The following RARB variants were observed in gnomAD, a reference collection of about 807,000 sequenced individuals.
RARB encodes HBV-activated protein.
A neutral mutation model predicts 51.9 loss-of-function variants in RARB; 17 were observed. The observed-to-expected ratio is 0.33, with a 90% CI of 0.22 to 0.49. RARB has a LOEUF of 0.49. Among genes scored for constraint, RARB ranks in the 20% least tolerant of loss-of-function variants. The pLI, the probability that RARB is intolerant of heterozygous loss-of-function variation, is 0.99. For missense variants in RARB, 369 were observed against 550.8 expected (o/e 0.67, Z 3.30); for synonymous variants, 215 against 195.4 (o/e 1.10, Z -0.84).
intron 3 of RARB, among the ~76,000 whole-genome samples, chr3:25,564,900 G>A (rs1700427954): frequency 6.6e-6 from 1 of 152,098 alleles, no homozygotes; most frequent in South Asian, 2.1e-4. Context: ...TGAAAGAAGA[G>A]GTCCACCATC....
intron 5 of RARB, among the ~76,000 whole-genome samples, chr3:25,379,514 G>T (rs1706563687): frequency 6.6e-6 from 1 of 152,108 alleles, no homozygotes; most frequent in African/African-American, 2.4e-5. Flanking sequence ...GAAGATTTAA[G>T]GATAAAATGG....
chr3:25,313,755 G>A (rs1235769110), intron 5 of RARB, among the ~76,000 whole-genome samples: 1 of 152,098 alleles, frequency 6.6e-6, no homozygotes, highest in Non-Finnish European at 1.5e-5. Context: ...TGTACAAAAG[G>A]AAGTATTTAT....
At chr3:25,469,216 G>A (rs915963893) in intron 2 of RARB, among the ~76,000 whole-genome samples, 1 of 152,200 alleles carries the variant, frequency 6.6e-6, no homozygotes, top group Non-Finnish European at 1.5e-5. Flanking sequence ...GTCACAAAAA[G>A]TTTTGCAATC....
At chr3:25,449,129 CT>C (rs1709079152) in intron 1 of RARB, among the ~76,000 whole-genome samples, 1 of 152,038 alleles carries the variant, frequency 6.6e-6, no homozygotes, top group African/African-American at 2.4e-5. Flanking sequence ...CCGAAGAGCC[CT>C]GGAGCTGGTG....
chr3:25,104,148 G>A (rs895516748), intron 3 of RARB, among the ~76,000 whole-genome samples: 3 of 152,132 alleles, frequency 2.0e-5, no homozygotes, highest in African/African-American at 7.2e-5. Context: ...AGTCAGCACG[G>A]AAATGCAAAT....
chr3:25,139,818 G>C (rs1020452932), intron 4 of RARB, among the ~76,000 whole-genome samples: 1 of 152,092 alleles, frequency 6.6e-6, no homozygotes, highest in Non-Finnish European at 1.5e-5. Context: ...CTTTTTAGGG[G>C]CTAATGCAGC....
At chr3:24,998,668 G>A (rs1207848953) in intron 2 of RARB, among the ~76,000 whole-genome samples, 1 of 152,106 alleles carries the variant, frequency 6.6e-6, no homozygotes, top group East Asian at 1.9e-4. Flanking sequence ...GATTACCACT[G>A]TAGCTTAACA....
chr3:25,308,254 A>G (rs1290595323), intron 5 of RARB, among the ~76,000 whole-genome samples: 1 of 152,204 alleles, frequency 6.6e-6, no homozygotes, highest in African/African-American at 2.4e-5. Context: ...CAAACATGCC[A>G]TTCTGTATTT....
At chr3:25,103,058 T>G (rs73044589) in intron 3 of RARB, among the ~76,000 whole-genome samples, 2,936 of 152,154 alleles carry the variant, frequency 0.019, 55 homozygotes, top group Middle Eastern at 0.034. Flanking sequence ...CTAGGATTGG[T>G]ATATAGTGCA....
chr3:25,144,291 T>A (rs1700154729), intron 4 of RARB, among the ~76,000 whole-genome samples: 1 of 152,122 alleles, frequency 6.6e-6, no homozygotes, highest in African/African-American at 2.4e-5. Context: ...GCCCTTCAAA[T>A]TCTGCTTGAA....
In RARB at chr3:25,190,419, A is replaced by G. The variant is rs74722850; in HGVS notation, c.178+15844A>G. On this transcript the variant is annotated intron_variant, in intron 5 of 11. Coordinates refer to the RARB transcript ENST00000383772. ...TATATGCATATATATGTGTGTATAT[A>G]TATTTTGGGTAGAAGTGTAAAGTAT... Among the ~76,000 whole-genome samples, 259 of 152,206 alleles carry G rather than the reference A, an allele frequency of 1.7e-3. 2 individuals are homozygous for G. Among genetic ancestry groups the G allele is most frequent in the Non-Finnish European group, 2.6e-3 (178 of 67,996 alleles).
At chr3:25,552,724 T>A (rs1699897378) in intron 3 of RARB, among the ~76,000 whole-genome samples, 1 of 138,684 alleles carries the variant, frequency 7.2e-6, no homozygotes, top group Non-Finnish European at 1.5e-5. Context: ...ATGATAAAGG[T>A]AATGAAAGAA....
chr3:25,214,718 C>G (rs1432705144), intron 5 of RARB, among the ~76,000 whole-genome samples: 3 of 152,132 alleles, frequency 2.0e-5, no homozygotes, highest in Non-Finnish European at 2.9e-5. Flanking sequence ...TGTTCTGAGC[C>G]CTCACTTTGG....
At chr3:24,883,962 T>C (rs892341919) in intron 2 of RARB, among the ~76,000 whole-genome samples, 6 of 152,176 alleles carry the variant, frequency 3.9e-5, no homozygotes, top group Non-Finnish European at 7.4e-5. Context: ...ACCAGGTTGT[T>C]TTGGGTATTG....
At chr3:25,442,113 TA>T (rs1345936982) in intron 1 of RARB, among the ~76,000 whole-genome samples, 2 of 134,920 alleles carry the variant, frequency 1.5e-5, no homozygotes, top group Admixed American at 7.6e-5. Flanking sequence ...AATTTTATTT[TA>T]TTTTTATTTA....
chr3:25,115,893 A>G (rs764587192), intron 3 of RARB, among the ~76,000 whole-genome samples: 12 of 152,082 alleles, frequency 7.9e-5, no homozygotes, highest in Admixed American at 2.0e-4. Context: ...AGCCTCCCAA[A>G]GTGCTGGGGT....
intron 3 of RARB, among the ~76,000 whole-genome samples, chr3:25,101,097 A>G (rs1324626880): frequency 6.6e-6 from 1 of 152,194 alleles, no homozygotes; most frequent in African/African-American, 2.4e-5. Flanking sequence ...AATATCATTT[A>G]AAGAGACTTT....
At chr3:24,997,853 A>G (rs2125273318) in intron 2 of RARB, among the ~76,000 whole-genome samples, 1 of 152,310 alleles carries the variant, frequency 6.6e-6, no homozygotes, top group South Asian at 2.1e-4. Context: ...TATATGCATT[A>G]TATCCAACTT....
At chr3:25,349,709 G>A (rs752378199) in intron 5 of RARB, among the ~76,000 whole-genome samples, 3 of 152,056 alleles carry the variant, frequency 2.0e-5, no homozygotes, top group Non-Finnish European at 2.9e-5. Flanking sequence ...AGTTCTATGT[G>A]TTTTGTGTCT....
Sources: allele counts gnomAD v4.1 joint callset (sites outside exome capture counted in the v4.1 genomes callset), GRCh38; gene constraint gnomAD v4.1.1; transcripts MANE v1.5; gene names NCBI Gene and HGNC (gene_info 2026-07-23, HGNC 2026-07-21).